Variants in SND1 observed in about 807,000 individuals in gnomAD.
SND1 encodes the protein staphylococcal nuclease domain-containing protein 1.
Under a neutral mutation model 121.7 loss-of-function variants are expected in SND1, and 38 were observed. The observed-to-expected ratio is 0.31, with a 90% confidence interval of 0.24 to 0.41. The LOEUF is 0.41. Ranked by LOEUF, SND1 falls within the 10% of genes least tolerant of loss-of-function variation. SND1 has a pLI of 1.00. For synonymous variants in SND1, 401 were observed against 447.4 expected (o/e 0.90, Z 1.31); for missense variants, 868 against 1,184.6 (o/e 0.73, Z 3.92).
At chr7:127,757,173 A>T (rs1222888655) in intron 10 of SND1, among the ~76,000 whole-genome samples, 1 of 152,218 alleles carries the variant, frequency 6.6e-6, no homozygotes, top group Non-Finnish European at 1.5e-5. Context: ...AACTTCAGTC[A>T]GTGCAATCAT....
chr7:127,661,373 A>G (rs1795307559), intron 1 of SND1, among the ~76,000 whole-genome samples: 1 of 152,184 alleles, frequency 6.6e-6, no homozygotes, highest in South Asian at 2.1e-4. Context: ...TTTGGCACCA[A>G]TAACTTGGCA....
chr7:127,716,206 CATA>C (rs1796386519), intron 9 of SND1, among the ~76,000 whole-genome samples: 2 of 152,138 alleles, frequency 1.3e-5, no homozygotes, highest in Non-Finnish European at 2.9e-5. Flanking sequence ...CTTGAGATTC[CATA>C]TGAATTTTAG....
chr7:127,914,536 A>C (rs1472299906), intron 14 of SND1, among the ~76,000 whole-genome samples: 2 of 152,178 alleles, frequency 1.3e-5, no homozygotes, highest in Admixed American at 6.5e-5. Context: ...GGTTTTCCTT[A>C]CTAGTTTCTA....
At chr7:127,901,915 C>T (rs1051989455) in intron 13 of SND1, among the ~76,000 whole-genome samples, 1 of 152,152 alleles carries the variant, frequency 6.6e-6, no homozygotes, top group Non-Finnish European at 1.5e-5. Context: ...AATATTAATA[C>T]TAAGACCATT....
At chr7:127,811,440 G>A (rs999427754) in intron 11 of SND1, among the ~76,000 whole-genome samples, 3 of 152,100 alleles carry the variant, frequency 2.0e-5, no homozygotes, top group African/African-American at 7.2e-5. Context: ...GCTCTCCTCC[G>A]GTGTTATGGG....
At chr7:127,812,730 C>T (rs1282867115) in intron 11 of SND1, among the ~76,000 whole-genome samples, 1 of 152,172 alleles carries the variant, frequency 6.6e-6, no homozygotes, top group Non-Finnish European at 1.5e-5. Context: ...CAAGGGCACA[C>T]AGCTTTCCTG....
intron 16 of SND1, among the ~76,000 whole-genome samples, chr7:128,034,594 C>T (rs540127692): frequency 3.9e-5 from 6 of 152,306 alleles, no homozygotes; most frequent in African/African-American, 1.4e-4. Context: ...TGCTGCCCCG[C>T]ACTATAAAGG....
intron 10 of SND1, among the ~76,000 whole-genome samples, chr7:127,727,753 T>C (rs1587623903): frequency 6.6e-6 from 1 of 152,166 alleles, no homozygotes; most frequent in African/African-American, 2.4e-5. Context: ...GAGGCTGGCG[T>C]AGGCATTCTG....
intron 12 of SND1, among the ~76,000 whole-genome samples, chr7:127,849,947 G>A (rs1275529825): frequency 6.6e-6 from 1 of 152,104 alleles, no homozygotes; most frequent in Admixed American, 6.5e-5. Flanking sequence ...CAGCTTCAAG[G>A]CCATCTTTAT....
At chr7:127,833,142 T>G (rs1272308329) in intron 11 of SND1, among the ~76,000 whole-genome samples, 1 of 152,138 alleles carries the variant, frequency 6.6e-6, no homozygotes, top group African/African-American at 2.4e-5. Context: ...GTAGACTATT[T>G]TATCTTATAT....
intron 12 of SND1, among the ~76,000 whole-genome samples, chr7:127,855,936 A>T (rs907313377): frequency 2.6e-5 from 4 of 152,200 alleles, no homozygotes; most frequent in African/African-American, 9.7e-5. Context: ...AAAATGCCTC[A>T]TTGGATTATG....
intron 10 of SND1, among the ~76,000 whole-genome samples, chr7:127,738,656 A>T (rs749377515): frequency 6.6e-6 from 1 of 152,046 alleles, no homozygotes; most frequent in Non-Finnish European, 1.5e-5. Flanking sequence ...CCCAAATGAA[A>T]GTTGCATCTG....
At chr7:127,738,032 C>T (rs189736506) in intron 10 of SND1, among the ~76,000 whole-genome samples, 13 of 152,300 alleles carry the variant, frequency 8.5e-5, no homozygotes, top group Non-Finnish European at 1.5e-5. Flanking sequence ...AGTAATCCAA[C>T]CCAGAAGTGA....
chr7:127,920,491 T>G (rs886215041), intron 14 of SND1, among the ~76,000 whole-genome samples: 1 of 152,114 alleles, frequency 6.6e-6, no homozygotes, highest in Non-Finnish European at 1.5e-5. Flanking sequence ...ACACTGAGTA[T>G]TGAGTTAACA....
rs571718469 is a variant in SND1, at chr7:127,852,759, C to T, written c.1343+8335C>T. On this transcript the variant is annotated intron_variant, in intron 12 of 23. Coordinates refer to ENST00000354725, the MANE Select transcript of SND1 (RefSeq NM_014390.4). ...CCAGGAGGCGGAGGTTGCAGTGAGC[C>T]GAGAACACGCCACTGCACTCTAGCC... Among the ~76,000 whole-genome samples the T allele has an allele frequency of 3.3e-5, 5 of 151,110 alleles. No individual in the cohort carries two copies. In the East Asian group the frequency reaches 7.8e-4, roughly 24 times the overall value.
At chr7:127,846,788 G>C (rs1032418585) in intron 12 of SND1, among the ~76,000 whole-genome samples, 1 of 152,030 alleles carries the variant, frequency 6.6e-6, no homozygotes, top group African/African-American at 2.4e-5. Context: ...GATTCAGAGA[G>C]ACTCCCAGAT....
chr7:128,081,738 C>A, intron 18 of SND1: 1 of 630,072 alleles, frequency 1.6e-6, no homozygotes, highest in Non-Finnish European at 3.0e-6. Context: ...CATGGAGGTG[C>A]TGCCGGACAG....
At chr7:127,732,562 G>C (rs893822426) in intron 10 of SND1, among the ~76,000 whole-genome samples, 7 of 152,190 alleles carry the variant, frequency 4.6e-5, no homozygotes, top group African/African-American at 1.7e-4. Context: ...TAGCTGTCTG[G>C]CTTTGGGTTC....
intron 12 of SND1, among the ~76,000 whole-genome samples, chr7:127,853,030 A>G (rs1799201134): frequency 6.6e-6 from 1 of 152,096 alleles, no homozygotes; most frequent in Non-Finnish European, 1.5e-5. Flanking sequence ...GGACAGCTTC[A>G]TCACAAAAGC....
Sources: gnomAD v4.1 joint callset for allele counts (sites outside exome capture counted in the v4.1 genomes callset) on GRCh38, gnomAD v4.1.1 for gene constraint, MANE v1.5 for transcripts, NCBI Gene and HGNC (gene_info 2026-07-23, HGNC 2026-07-21) for gene names.